The following PPP2R5E variants were observed in gnomAD, a reference collection of about 807,000 sequenced individuals.
PPP2R5E encodes the protein serine/threonine-protein phosphatase 2A 56 kDa regulatory subunit epsilon isoform.
PPP2R5E carries 4 observed loss-of-function variants against 65.3 expected under a neutral mutation model. That is an observed-to-expected ratio of 0.06 (90% CI 0.03 to 0.14). The LOEUF (loss-of-function observed/expected upper bound fraction) is 0.14. Ranked by LOEUF, PPP2R5E falls within the 10% of genes least tolerant of loss-of-function variation. The pLI, the probability that PPP2R5E is intolerant of heterozygous loss-of-function variation, is 1.00. For missense variants in PPP2R5E, 274 were observed against 556.1 expected (o/e 0.49, Z 5.10); for synonymous variants, 183 against 187.4 (o/e 0.98, Z 0.19).
intron 2 of PPP2R5E, among the ~76,000 whole-genome samples, chr14:63,484,080 CAA>C (rs35786223): frequency 2.2e-4 from 30 of 134,240 alleles, no homozygotes; most frequent in African/African-American, 4.7e-4. Context: ...GAGACTCCAC[CAA>C]AAAAAAAAAA....
At chr14:63,510,318 C>G (rs1193507518) in intron 2 of PPP2R5E, among the ~76,000 whole-genome samples, 1 of 152,200 alleles carries the variant, frequency 6.6e-6, no homozygotes, top group African/African-American at 2.4e-5. Flanking sequence ...TCTGCTGAGG[C>G]TTAGGTGGCA....
In PPP2R5E at chr14:63,430,401, GCATACATACATACATA is replaced by G. The variant is rs56314616; in HGVS notation, c.355-8323_355-8308del. Among the ~76,000 whole-genome samples, 48 of 143,836 alleles carry G rather than the reference GCATACATACATACATA, an allele frequency of 3.3e-4. 1 individual carries two copies. Among genetic ancestry groups the G allele is most frequent in the African/African-American group, 1.2e-3 (45 of 36,030 alleles). 94.4% of individuals were successfully genotyped at this position (143,836 alleles called of 152,430 possible). A position where few individuals can be genotyped will look rare whatever the true frequency, so the allele number is the denominator to read the frequency against. ...TGCATACATACATACATACATACAT[GCATACATACATACATA>G]CATGCATACATACATATTCAACTGT... On this transcript the variant is annotated intron_variant, in intron 3 of 13. Transcript: ENST00000337537.
At chr14:63,439,563 G>A (rs748187248) in intron 3 of PPP2R5E, among the ~76,000 whole-genome samples, 31 of 152,056 alleles carry the variant, frequency 2.0e-4, no homozygotes, top group Non-Finnish European at 3.4e-4. Flanking sequence ...TAGTAGAGAC[G>A]GGGTTTCTCC....
At chr14:63,439,320 T>A (rs952809585) in intron 3 of PPP2R5E, among the ~76,000 whole-genome samples, 2 of 151,540 alleles carry the variant, frequency 1.3e-5, no homozygotes, top group African/African-American at 4.8e-5. Flanking sequence ...TGGGATCACA[T>A]AGTTCAGTAA....
chr14:63,379,045 T>C (rs1027430835), intron 13 of PPP2R5E, among the ~76,000 whole-genome samples: 17 of 148,938 alleles, frequency 1.1e-4, no homozygotes, highest in East Asian at 1.0e-3. Flanking sequence ...TTTTTTTTTT[T>C]CGAGACGGAG....
chr14:63,455,558 T>C (rs1889071172), intron 2 of PPP2R5E, among the ~76,000 whole-genome samples: 1 of 152,156 alleles, frequency 6.6e-6, no homozygotes, highest in Non-Finnish European at 1.5e-5. Flanking sequence ...TATGCCCCCC[T>C]GGATTTAATC....
chr14:63,455,711 A>G (rs1166371659), intron 2 of PPP2R5E, among the ~76,000 whole-genome samples: 2 of 152,244 alleles, frequency 1.3e-5, no homozygotes, highest in Non-Finnish European at 2.9e-5. Flanking sequence ...TCCTTAACCA[A>G]TGACTAATTC....
chr14:63,452,449 G>C (rs532306374), intron 3 of PPP2R5E: 1 of 152,278 alleles, frequency 6.6e-6, no homozygotes, highest in East Asian at 1.9e-4. Flanking sequence ...CTAGATGCTG[G>C]TAGTACTCTC....
Position 63,374,929 on chromosome 14 carries a change from G to C in PPP2R5E, c.*1080C>G, listed in dbSNP as rs1257233597. On this transcript the variant is annotated 3_prime_UTR_variant, in exon 14 of 14. Coordinates refer to ENST00000337537, the MANE Select transcript of PPP2R5E (RefSeq NM_006246.5). ...AAAAACAGGGCTGGCGCTGTGATGA[G>C]ATATAGAACGAGAATCTACAAAAAA... is the stretch of plus-strand genomic sequence containing the variant. 7.9e-5 allele frequency: 12 copies of C among 152,222 alleles called. No homozygotes were observed. Among genetic ancestry groups the C allele is most frequent in the African/African-American group, 2.9e-4 (12 of 41,312 alleles). The allele number at this position is 152,222 out of a possible 1,614,324, so 9.4% of individuals were successfully genotyped here. A position where few individuals can be genotyped will look rare whatever the true frequency, so the allele number is the denominator to read the frequency against.
intron 3 of PPP2R5E, among the ~76,000 whole-genome samples, chr14:63,428,986 T>G (rs778953598): frequency 5.3e-5 from 8 of 152,320 alleles, no homozygotes; most frequent in Non-Finnish European, 1.0e-4. Context: ...ATTAAATATC[T>G]GCCAATATTA....
intron 3 of PPP2R5E, among the ~76,000 whole-genome samples, chr14:63,451,096 T>C (rs567539524): frequency 5.3e-5 from 8 of 152,258 alleles, no homozygotes; most frequent in African/African-American, 1.4e-4. Flanking sequence ...AGTTTGGCAG[T>C]TTCTTATAAA....
intron 1 of PPP2R5E, among the ~76,000 whole-genome samples, chr14:63,541,196 C>A (rs996831007): frequency 6.6e-6 from 1 of 152,188 alleles, no homozygotes; most frequent in African/African-American, 2.4e-5. Flanking sequence ...AAACAAAACA[C>A]ATAAAAGGCA....
intron 2 of PPP2R5E, among the ~76,000 whole-genome samples, chr14:63,469,623 G>A (rs938893066): frequency 1.3e-5 from 2 of 152,240 alleles, no homozygotes; most frequent in African/African-American, 4.8e-5. Context: ...GAACCCGGGA[G>A]GCGGAGCTGG....
At chr14:63,435,605 G>A (rs566472135) in intron 3 of PPP2R5E, among the ~76,000 whole-genome samples, 4 of 152,100 alleles carry the variant, frequency 2.6e-5, no homozygotes, top group South Asian at 2.1e-4. Flanking sequence ...CTCCCTGCTC[G>A]CCATCTACAA....
At chr14:63,395,863 T>G (rs1197200500) in intron 6 of PPP2R5E, among the ~76,000 whole-genome samples, 6 of 452 alleles carry the variant, frequency 0.013, no homozygotes, top group African/African-American at 0.028. Context: ...AAGAGAGGAG[T>G]CGGGGAGGAG....
At chr14:63,533,383 G>A (rs1893518964) in intron 2 of PPP2R5E, among the ~76,000 whole-genome samples, 1 of 151,872 alleles carries the variant, frequency 6.6e-6, no homozygotes, top group Non-Finnish European at 1.5e-5. Context: ...CCAACATGGA[G>A]AAACCCCATC....
chr14:63,389,131 A>ATT (rs34751867), intron 11 of PPP2R5E, among the ~76,000 whole-genome samples: 9 of 142,450 alleles, frequency 6.3e-5, no homozygotes, highest in Non-Finnish European at 1.1e-4. Flanking sequence ...TCCAAGCCTC[A>ATT]TTTTTTTTTT....
chr14:63,471,221 AC>A (rs1340429159), intron 2 of PPP2R5E, among the ~76,000 whole-genome samples: 1 of 152,170 alleles, frequency 6.6e-6, no homozygotes, highest in Non-Finnish European at 1.5e-5. Context: ...TTGTTCATAG[AC>A]CCAGATGGGC....
At chr14:63,440,948 C>CAAAAAAA (rs374563795) in intron 3 of PPP2R5E, among the ~76,000 whole-genome samples, 951 of 67,462 alleles carry the variant, frequency 0.014, 59 homozygotes, top group African/African-American at 0.02. Context: ...GACTCCATCT[C>CAAAAAAA]AAAAAAAAAA....
Sources: allele counts gnomAD v4.1 joint callset (sites outside exome capture counted in the v4.1 genomes callset), GRCh38; gene constraint gnomAD v4.1.1; transcripts MANE v1.5; gene names NCBI Gene and HGNC (gene_info 2026-07-23, HGNC 2026-07-21).